Variants in GNS observed in about 807,000 individuals in gnomAD.
GNS encodes N-acetylglucosamine-6-sulfatase.
In GNS, 40 loss-of-function variants were observed where a neutral mutation model predicts 69.7. The ratio of observed to expected loss-of-function variants is 0.57; its 90% confidence interval spans 0.45 to 0.75. The LOEUF (loss-of-function observed/expected upper bound fraction) is 0.75. Ranked by LOEUF, GNS falls within the 30% of genes least tolerant of loss-of-function variation. The pLI, the probability that GNS is intolerant of heterozygous loss-of-function variation, is 0.00. For missense variants in GNS, 565 were observed against 685.5 expected (o/e 0.82, Z 1.96); for synonymous variants, 243 against 251.6 (o/e 0.97, Z 0.32).
intron 13 of GNS, among the ~76,000 whole-genome samples, chr12:64,718,091 G>GTGGGGCTAGAT (rs1190690722): frequency 6.6e-6 from 1 of 152,214 alleles, no homozygotes; most frequent in Non-Finnish European, 1.5e-5. Flanking sequence ...GTTCCCGCAG[G>GTGGGGCTAGAT]TGGGGCTAGA....
chr12:64,722,907 G>A, intron 11 of GNS, 99 bp downstream of exon 11: 1 of 780,012 alleles, frequency 1.3e-6, no homozygotes, highest in South Asian at 1.4e-5. Context: ...AAAGGAACAG[G>A]ACTCAGATGA....
Position 64,713,904 on chromosome 12 carries a change from G to C in GNS, c.*2837C>G, listed in dbSNP as rs1284796613. On this transcript the variant is annotated 3_prime_UTR_variant, in exon 14 of 14. Coordinates refer to ENST00000258145, the MANE Select transcript of GNS (RefSeq NM_002076.4). ...CCCAGCACTTTGGGAGGCCGAGAAA[G>C]GTGGATCACCTGAGGTCAGGAGTTA... is the stretch of plus-strand genomic sequence containing the variant. 1.3e-5 allele frequency: 2 copies of C among 152,236 alleles called. No homozygotes were observed. The highest frequency in any genetic ancestry group is 4.8e-5 in the African/African-American group (2 of 41,442). The allele number at this position is 152,236 out of a possible 1,614,324, so 9.4% of individuals were successfully genotyped here.
intron 1 of GNS, among the ~76,000 whole-genome samples, chr12:64,758,309 CTTTTTTTTTTTTTTTT>C (rs139394351): frequency 1.9e-4 from 13 of 67,410 alleles, no homozygotes; most frequent in South Asian, 8.6e-4. Context: ...CACTTCAGGC[CTTTTTTTTTTTTTTTT>C]TTTTTTTTTT....
chr12:64,750,378 T>C (rs986637747), intron 2 of GNS, among the ~76,000 whole-genome samples: 1 of 152,020 alleles, frequency 6.6e-6, no homozygotes, highest in Non-Finnish European at 1.5e-5. Flanking sequence ...GTATTTTTAG[T>C]AGATATAGGC....
chr12:64,756,839 C>T (rs1870266172), intron 1 of GNS: 3 of 718,064 alleles, frequency 4.2e-6, no homozygotes, highest in Admixed American at 2.3e-5. Context: ...TGGTACCTCT[C>T]TCCAGTAGAA....
chr12:64,728,484 T>C (rs1172337561), intron 10 of GNS, among the ~76,000 whole-genome samples: 1 of 152,256 alleles, frequency 6.6e-6, no homozygotes, highest in East Asian at 1.9e-4. Context: ...CTCAGACTTC[T>C]GAAATCTTGG....
rs1470760407 is a variant in GNS, at chr12:64,737,080, C to CAAGA, written c.1021_1022insTCTT (p.Arg341IlefsTer6). On this transcript the variant is annotated frameshift_variant, in exon 9 of 14. Transcript: ENST00000258145. LOFTEE classifies it high-confidence loss of function. ...TTTGATATCAAACTCATACAGCTGT[C>CAAGA]TCTTGTCTATTGGCAAGGAAAACTG... 21 of 1,592,880 alleles carry CAAGA rather than the reference C, an allele frequency of 1.3e-5. No individual in the cohort carries two copies. Among genetic ancestry groups the CAAGA allele is most frequent in the Non-Finnish European group, 1.8e-5 (21 of 1,160,790 alleles).
intron 2 of GNS, among the ~76,000 whole-genome samples, chr12:64,751,163 C>T (rs1870065767): frequency 6.6e-6 from 1 of 152,098 alleles, no homozygotes; most frequent in Admixed American, 6.5e-5. Context: ...GCCCGGGCTA[C>T]ATAGTGAGTG....
intron 10 of GNS, among the ~76,000 whole-genome samples, chr12:64,726,670 A>AT (rs1266332314): frequency 6.6e-6 from 1 of 152,006 alleles, no homozygotes; most frequent in Admixed American, 6.6e-5. Flanking sequence ...AATTTTCTGT[A>AT]TTTTTTGTAG....
At chr12:64,722,139 C>T (rs952109691) in intron 11 of GNS, among the ~76,000 whole-genome samples, 2 of 152,070 alleles carry the variant, frequency 1.3e-5, no homozygotes, top group Non-Finnish European at 2.9e-5. Context: ...ATTATCCTTC[C>T]TCAGCCTCCT....
chr12:64,753,407 G>A (rs772833033), intron 1 of GNS, among the ~76,000 whole-genome samples: 6 of 152,278 alleles, frequency 3.9e-5, no homozygotes, highest in Middle Eastern at 6.8e-3. Context: ...CAAGTACAGA[G>A]AACAATTAAC....
intron 10 of GNS, among the ~76,000 whole-genome samples, chr12:64,728,468 C>T (rs1869280695): frequency 6.6e-6 from 1 of 152,204 alleles, no homozygotes. Context: ...AAGCAGTTTC[C>T]AAATTCTCAG....
In GNS at chr12:64,720,026, G is replaced by T; in HGVS notation, c.1576C>A (p.Pro526Thr). Residue 526 changes from proline (P) to threonine (T), a missense_variant, in exon 13 of 14, where the codon CCC becomes ACC. Physicochemically the swap from Pro to Thr is conservative, Grantham distance 38. Around this residue, in one of 2 missense-constraint regions of GNS, gnomAD observed 384 missense variants for 511.0 expected, o/e 0.75. Coordinates refer to ENST00000258145, the MANE Select transcript of GNS (RefSeq NM_002076.4). ...PTCRTPGVFD[P>T]GYRFDPRLMF... ...ATGAAGAGAAAGGAAACTTACCCGG[G>T]GTCAAAAACCCCTGGAGTGCGACAG... The T allele has an allele frequency of 6.2e-7, 1 of 1,611,320 alleles. No homozygotes were observed. Among genetic ancestry groups the T allele is most frequent in the South Asian group, 1.1e-5 (1 of 91,024 alleles).
At chr12:64,733,264 C>T (rs1869460847) in intron 9 of GNS, among the ~76,000 whole-genome samples, 2 of 132,522 alleles carry the variant, frequency 1.5e-5, no homozygotes, top group South Asian at 5.0e-4. Flanking sequence ...TGCCACCACA[C>T]TCCAGCCTAA....
intron 1 of GNS, among the ~76,000 whole-genome samples, chr12:64,754,890 CA>C (rs202239574): frequency 0.013 from 1,560 of 124,056 alleles, 16 homozygotes; most frequent in African/African-American, 0.038. Context: ...AACTTGTCTC[CA>C]AAAAAAAAAA....
Position 64,752,880 on chromosome 12 carries a change from A to G in GNS, c.193-123T>C. 10 of 696,918 alleles carry G rather than the reference A, an allele frequency of 1.4e-5. No individual in the cohort carries two copies. The South Asian group carries it at 1.5e-4, about 11-fold the overall frequency. 43.2% of individuals were successfully genotyped at this position (696,918 alleles called of 1,614,324 possible). A position where few individuals can be genotyped will look rare whatever the true frequency, so the allele number is the denominator to read the frequency against. ...ATTCCCAAATGGTCAGCTCTAAGCAACAGCCAAAGAGAGTCTTGTATGATT... is the reference window on the plus strand; with the variant it reads ...ATTCCCAAATGGTCAGCTCTAAGCAGCAGCCAAAGAGAGTCTTGTATGATT... On this transcript the variant is annotated intron_variant, in intron 1 of 13. Coordinates refer to ENST00000258145, the MANE Select transcript of GNS (RefSeq NM_002076.4).
At chr12:64,739,654 CAA>C (rs1869669745) in intron 7 of GNS, among the ~76,000 whole-genome samples, 155 bp from the exon 8 acceptor site, 2 of 149,414 alleles carry the variant, frequency 1.3e-5, no homozygotes, top group Admixed American at 6.7e-5. Context: ...AAAAAAATTG[CAA>C]AACACTCTCC....
At chr12:64,744,091 G>C (rs1196199281) in intron 5 of GNS, among the ~76,000 whole-genome samples, 8 of 152,154 alleles carry the variant, frequency 5.3e-5, no homozygotes, top group African/African-American at 1.4e-4. Context: ...TCTTCCCCCT[G>C]ATCTGCACAG....
intron 13 of GNS, among the ~76,000 whole-genome samples, chr12:64,717,942 T>C (rs1233433828): frequency 6.6e-6 from 1 of 152,196 alleles, no homozygotes; most frequent in Non-Finnish European, 1.5e-5. Context: ...AGAACTGCAA[T>C]TGACCAAGAT....
Sources: allele counts gnomAD v4.1 joint callset (sites outside exome capture counted in the v4.1 genomes callset), GRCh38; gene constraint gnomAD v4.1.1; regional missense constraint gnomAD v4.1.1; transcripts MANE v1.5; gene names NCBI Gene and HGNC (gene_info 2026-07-23, HGNC 2026-07-21).